STX8: variants seen among roughly 807,000 people sequenced by gnomAD.
STX8 encodes syntaxin-8.
A neutral mutation model predicts 37.5 loss-of-function variants in STX8; 23 were observed. The observed-to-expected ratio is 0.61, with a 90% CI of 0.44 to 0.87. The LOEUF is 0.87. Ranked by LOEUF, STX8 falls within the 40% of genes least tolerant of loss-of-function variation. The pLI is 0.00. For synonymous variants in STX8, 115 were observed against 99.1 expected, an observed-to-expected ratio of 1.16 and a Z score of -0.95; for missense variants, 313 against 284.7, an observed-to-expected ratio of 1.10 and a Z score of -0.71.
chr17:9,449,791 G>A (rs1475358788), intron 6 of STX8, among the ~76,000 whole-genome samples: 1 of 151,870 alleles, frequency 6.6e-6, no homozygotes, highest in African/African-American at 2.4e-5. Context: ...GTGATGCCCA[G>A]GGGCTGGGAG....
intron 5 of STX8, among the ~76,000 whole-genome samples, chr17:9,492,644 G>C (rs745755373): frequency 6.6e-6 from 1 of 152,056 alleles, no homozygotes; most frequent in African/African-American, 2.4e-5. Context: ...CCCTCTTTTT[G>C]GCTGCTCTAT....
At chr17:9,486,083 G>A (rs1422833635) in intron 6 of STX8, among the ~76,000 whole-genome samples, 1 of 152,138 alleles carries the variant, frequency 6.6e-6, no homozygotes, top group Non-Finnish European at 1.5e-5. Context: ...ATGTTCCAGA[G>A]AGAAGGAAAT....
chr17:9,468,315 G>A (rs967920270), intron 6 of STX8, among the ~76,000 whole-genome samples: 2 of 152,070 alleles, frequency 1.3e-5, no homozygotes, highest in Non-Finnish European at 2.9e-5. Flanking sequence ...TCACCATGTT[G>A]GCCAGGCTGG....
chr17:9,325,088 T>TGCCA (rs1425591408), intron 7 of STX8, among the ~76,000 whole-genome samples: 1 of 152,222 alleles, frequency 6.6e-6, no homozygotes, highest in Non-Finnish European at 1.5e-5. Context: ...TGTACTGTGT[T>TGCCA]GCCAGATGAT....
At chr17:9,477,216 C>T (rs1359787816) in intron 6 of STX8, among the ~76,000 whole-genome samples, 2 of 152,086 alleles carry the variant, frequency 1.3e-5, no homozygotes, top group Non-Finnish European at 2.9e-5. Context: ...ACCACAGTGG[C>T]CCCATTTAAA....
intron 7 of STX8, chr17:9,378,217 G>A (rs959963136): frequency 2.1e-5 from 4 of 194,560 alleles, no homozygotes; most frequent in South Asian, 1.0e-4. Flanking sequence ...ATTTTAAGAC[G>A]GCACAAAAGC....
At chr17:9,429,293 T>C (rs371475514) in intron 6 of STX8, among the ~76,000 whole-genome samples, 2 of 146,458 alleles carry the variant, frequency 1.4e-5, no homozygotes, top group East Asian at 2.0e-4. Context: ...ATATATAAAA[T>C]ATATAAATAC....
At chr17:9,477,605 G>GT (rs1727141030) in intron 6 of STX8, among the ~76,000 whole-genome samples, 1 of 152,196 alleles carries the variant, frequency 6.6e-6, no homozygotes, top group Non-Finnish European at 1.5e-5. Context: ...TACAGCAATT[G>GT]TAACAGCAGT....
chr17:9,563,151 C>CCATT lies in STX8; in HGVS notation c.117+5216_117+5219dup, dbSNP rs1242164722. On this transcript the variant is annotated intron_variant, in intron 2 of 7. Coordinates refer to ENST00000306357, the MANE Select transcript of STX8 (RefSeq NM_004853.3). The stretch of plus-strand genomic sequence containing the variant: ...GAGTATCTGTCATTCATTCATTCAT[C>CCATT]CATTTATTTATTTATTTATTTATTT... Among the ~76,000 whole-genome samples, 19 of 141,202 alleles carry CCATT rather than the reference C, an allele frequency of 1.3e-4. No individual in the cohort carries two copies. The South Asian group carries it at 3.2e-3, about 23-fold the overall frequency. 92.6% of individuals were successfully genotyped at this position (141,202 alleles called of 152,430 possible). A position where few individuals can be genotyped will look rare whatever the true frequency, so the allele number is the denominator to read the frequency against.
intron 6 of STX8, among the ~76,000 whole-genome samples, chr17:9,482,820 A>C (rs1196566117): frequency 6.6e-6 from 1 of 152,180 alleles, no homozygotes; most frequent in East Asian, 1.9e-4. Flanking sequence ...AGGCTGAGGC[A>C]GAAGAATGGG....
chr17:9,398,106 G>GTT (rs1912471884), intron 6 of STX8, among the ~76,000 whole-genome samples: 1 of 152,124 alleles, frequency 6.6e-6, no homozygotes, highest in Non-Finnish European at 1.5e-5. Context: ...AAGAAAGAGT[G>GTT]TAACTCTCTC....
At chr17:9,498,694 C>T (rs1316741165) in intron 5 of STX8, among the ~76,000 whole-genome samples, 2 of 152,040 alleles carry the variant, frequency 1.3e-5, no homozygotes, top group African/African-American at 2.4e-5. Context: ...GACCTAAGAA[C>T]GCAGAAATCT....
intron 3 of STX8, chr17:9,554,718 A>C (rs1906899885): frequency 6.6e-6 from 1 of 152,230 alleles, no homozygotes; most frequent in African/African-American, 2.4e-5. Context: ...CAGCCTGGCC[A>C]ACATAGTGAA....
At position 9,505,182 on chromosome 17, in the gene STX8, G is replaced by T. The variant is rs537087177; in HGVS notation, c.324-20C>A. The T allele has an allele frequency of 8.1e-6, 13 of 1,597,158 alleles. No homozygotes were observed. In the South Asian group the frequency reaches 1.4e-4, roughly 17 times the overall value. On this transcript the variant is annotated intron_variant, in intron 4 of 7. Transcript: ENST00000306357. ...CTGGACCTAAAGAACAATATTAAAT[G>T]CATGATATATCTCAAAACATGCAGC...
intron 4 of STX8, among the ~76,000 whole-genome samples, chr17:9,539,626 T>C (rs1259805285): frequency 1.3e-5 from 2 of 151,962 alleles, no homozygotes; most frequent in Non-Finnish European, 2.9e-5. Flanking sequence ...GAAAGACACC[T>C]ACCCTCCACT....
At position 9,504,337 on chromosome 17, in the gene STX8, T is replaced by TA. The variant is rs771865356; in HGVS notation, c.448+700dup. On this transcript the variant is annotated intron_variant, in intron 5 of 7. Transcript: ENST00000306357. ...GAAATTTTAAAAATATAAGAAAGTT[T>TA]AAAAAAAAAAAGTTAAAAAGCCACA... Among the ~76,000 whole-genome samples the TA allele has an allele frequency of 3.6e-3, 513 of 142,028 alleles. 1 individual carries two copies. The highest frequency in any genetic ancestry group is 5.4e-3 in the Non-Finnish European group (351 of 64,562). 93.2% of individuals were successfully genotyped at this position (142,028 alleles called of 152,430 possible). A position where few individuals can be genotyped will look rare whatever the true frequency, so the allele number is the denominator to read the frequency against.
chr17:9,475,857 A>T (rs756187698), intron 6 of STX8, among the ~76,000 whole-genome samples: 3 of 152,236 alleles, frequency 2.0e-5, no homozygotes, highest in Non-Finnish European at 4.4e-5. Context: ...CTGTCTTCCC[A>T]CTCAAGAAAG....
At chr17:9,401,560 CG>C (rs1315974390) in intron 6 of STX8, among the ~76,000 whole-genome samples, 1 of 152,170 alleles carries the variant, frequency 6.6e-6, no homozygotes. Context: ...CAGGAGAAGA[CG>C]GGTCTCTGGA....
intron 6 of STX8, among the ~76,000 whole-genome samples, chr17:9,396,637 G>A (rs138850787): frequency 6.6e-6 from 1 of 151,832 alleles, no homozygotes; most frequent in Non-Finnish European, 1.5e-5. Context: ...TTGAACCCAG[G>A]AGGCGGAGGT....
Sources: allele counts gnomAD v4.1 joint callset (sites outside exome capture counted in the v4.1 genomes callset), GRCh38; gene constraint gnomAD v4.1.1; transcripts MANE v1.5; gene names NCBI Gene and HGNC (gene_info 2026-07-23, HGNC 2026-07-21).